The following PCBP3 variants were observed in gnomAD, a reference collection of about 807,000 sequenced individuals.
PCBP3 encodes the protein poly(rC) binding protein 3, also known as poly(rC)-binding protein 3.
A neutral mutation model predicts 52.7 loss-of-function variants in PCBP3; 25 were observed. The ratio of observed to expected loss-of-function variants is 0.47; its 90% CI spans 0.35 to 0.66. PCBP3 has a LOEUF of 0.66. Ranked by LOEUF, PCBP3 falls within the 30% of genes least tolerant of loss-of-function variation. PCBP3 has a pLI of 0.01. For synonymous variants in PCBP3, 162 were observed against 183.0 expected, an observed-to-expected ratio of 0.89 and a Z score of 0.93; for missense variants, 391 against 490.3, an observed-to-expected ratio of 0.80 and a Z score of 1.91.
Position 45,911,064 on chromosome 21 carries a change from G to A in PCBP3, c.600+34G>A, listed in dbSNP as rs773581771. On this transcript the variant is annotated intron_variant, in intron 11 of 17. Transcript: ENST00000681687. Reference sequence around the variant, plus strand: ...TGCGCGCCAGGGCCAGCCCACGTCAGTGCTGGATTTGGCCTCCCAGCACTG... The same window carrying A: ...TGCGCGCCAGGGCCAGCCCACGTCAATGCTGGATTTGGCCTCCCAGCACTG... The A allele has an allele frequency of 3.7e-6, 6 of 1,603,258 alleles. No homozygotes were observed. The Admixed American group carries it at 6.7e-5, about 18-fold the overall frequency.
rs1009440144 is a variant in PCBP3 at position 45,693,724 on chromosome 21, A to G, written c.-200+24772A>G. On this transcript the variant is annotated intron_variant, in intron 2 of 17. Transcript: ENST00000681687. ...ATATTTTTCAAAAATGAAGGGCAAC[A>G]TAAATATGTTCTCAGACAAAGATTG... Among the ~76,000 whole-genome samples, 8 of 152,170 alleles carry G rather than the reference A, an allele frequency of 5.3e-5. 1 individual carries two copies. Among genetic ancestry groups the G allele is most frequent in the Admixed American group, 3.9e-4 (6 of 15,282 alleles).
intron 3 of PCBP3, among the ~76,000 whole-genome samples, chr21:45,746,056 CCG>C (rs1388505989): frequency 1.1e-4 from 15 of 136,940 alleles, no homozygotes; most frequent in Admixed American, 2.2e-4. Context: ...GTCAGCATCG[CCG>C]TGTCAGTCCA....
intron 1 of PCBP3, among the ~76,000 whole-genome samples, chr21:45,666,349 G>GTA (rs1199170150): frequency 6.6e-6 from 1 of 152,070 alleles, no homozygotes; most frequent in Non-Finnish European, 1.5e-5. Flanking sequence ...TCGATGGTAT[G>GTA]TAGTTATCTT....
rs192393720 is a variant in PCBP3, at chr21:45,827,053, G to C, written c.-125-22908G>C. Among the ~76,000 whole-genome samples, 31 of 152,200 alleles carry C rather than the reference G, an allele frequency of 2.0e-4. No homozygotes were observed. Among genetic ancestry groups the C allele is most frequent in the Non-Finnish European group, 3.5e-4 (24 of 67,996 alleles). On this transcript the variant is annotated intron_variant, in intron 4 of 17. Coordinates refer to ENST00000681687, the MANE Select transcript of PCBP3 (RefSeq NM_001384156.1). The surrounding 1 kb of genome is among the most constrained non-coding windows in gnomAD (Gnocchi z 4.3). ...CCAGGGAGCATCAGGGAGGCTGATG[G>C]GGACATGTACTCCCAGCTGAGCCAG...
intron 4 of PCBP3, among the ~76,000 whole-genome samples, chr21:45,794,443 A>G (rs1603429808): frequency 6.6e-6 from 1 of 152,302 alleles, no homozygotes; most frequent in South Asian, 2.1e-4. Flanking sequence ...GAGCTCCCTG[A>G]GGAATAGGGA....
chr21:45,744,664 TTC>T (rs2146135279), intron 3 of PCBP3, among the ~76,000 whole-genome samples: 1 of 152,328 alleles, frequency 6.6e-6, no homozygotes, highest in African/African-American at 2.4e-5. Context: ...ATAATTATAA[TTC>T]TCTTTTTCTT....
chr21:45,768,854 T>A (rs898487616), intron 4 of PCBP3, among the ~76,000 whole-genome samples: 7 of 152,210 alleles, frequency 4.6e-5, no homozygotes, highest in African/African-American at 1.7e-4. Flanking sequence ...TGGCCTGCAG[T>A]GCTATCGTCC....
At chr21:45,797,446 CAG>C (rs2091988549) in intron 4 of PCBP3, among the ~76,000 whole-genome samples, 1 of 2,438 alleles carries the variant, frequency 4.1e-4, no homozygotes, top group Non-Finnish European at 8.5e-4. Context: ...CATGGATCCA[CAG>C]AGAGTGAATG....
rs1312276196 is a variant in PCBP3 at position 45,807,759 on chromosome 21, C to A, written c.-125-42202C>A. On this transcript the variant is annotated intron_variant, in intron 4 of 17. Coordinates refer to ENST00000681687, the MANE Select transcript of PCBP3 (RefSeq NM_001384156.1). ...CTAAGCAAAAAAAACAAAAACAAAA[C>A]AAAAAAAAAACCTGGAGGCATCATG... Among the ~76,000 whole-genome samples the A allele has an allele frequency of 1.5e-4, 22 of 146,906 alleles. No individual in the cohort carries two copies. The East Asian group carries it at 3.4e-3, about 23-fold the overall frequency.
chr21:45,723,481 A>T (rs1293757709), intron 2 of PCBP3, among the ~76,000 whole-genome samples: 1 of 152,270 alleles, frequency 6.6e-6, no homozygotes, highest in Non-Finnish European at 1.5e-5. Context: ...TAATAAGTTC[A>T]TGTACTAACT....
At chr21:45,938,414 C>A (rs1484149690) in intron 16 of PCBP3, among the ~76,000 whole-genome samples, 1 of 152,208 alleles carries the variant, frequency 6.6e-6, no homozygotes, top group Non-Finnish European at 1.5e-5. Flanking sequence ...GCTATGTTCC[C>A]CCTCCCCATG....
At position 45,935,323 on chromosome 21, in the gene PCBP3, ACC is replaced by A; in HGVS notation, c.909+19_909+20del. On this transcript the variant is annotated intron_variant, in intron 16 of 17. Coordinates refer to ENST00000681687, the MANE Select transcript of PCBP3 (RefSeq NM_001384156.1). ...CCAATGATGTGAGTATGCCCGCTGT[ACC>A]TGCCTGTCCCTGGGTAGAAACACCA... 1.9e-6 allele frequency: 3 copies of A among 1,588,372 alleles called. No homozygotes were observed. The highest frequency in any genetic ancestry group is 2.6e-6 in the Non-Finnish European group (3 of 1,163,198).
At chr21:45,896,844 C>T (rs574808651) in intron 6 of PCBP3, among the ~76,000 whole-genome samples, 13 of 142,134 alleles carry the variant, frequency 9.1e-5, no homozygotes, top group African/African-American at 2.5e-4. Flanking sequence ...ATGCACTGCC[C>T]GGGCCATTGT....
chr21:45,727,966 G>T (rs967047451), intron 2 of PCBP3, among the ~76,000 whole-genome samples: 1 of 152,168 alleles, frequency 6.6e-6, no homozygotes, highest in Non-Finnish European at 1.5e-5. Flanking sequence ...AATAAATCTT[G>T]AAATCGGGCA....
intron 1 of PCBP3, among the ~76,000 whole-genome samples, chr21:45,661,616 C>G (rs4578947): frequency 2.6e-5 from 4 of 152,098 alleles, no homozygotes; most frequent in African/African-American, 9.7e-5. Flanking sequence ...TAATAACATA[C>G]GAGTACAAGC....
intron 5 of PCBP3, among the ~76,000 whole-genome samples, chr21:45,865,249 G>A (rs150816682): frequency 2.6e-5 from 4 of 152,284 alleles, no homozygotes; most frequent in African/African-American, 9.6e-5. Flanking sequence ...ATTAGTCATC[G>A]TATGTGGTCA....
At chr21:45,841,459 T>G (rs2093698534) in intron 4 of PCBP3, among the ~76,000 whole-genome samples, 1 of 152,194 alleles carries the variant, frequency 6.6e-6, no homozygotes, top group African/African-American at 2.4e-5. Context: ...GTAAAATGTC[T>G]TCCTGTTTTC....
At chr21:45,889,123 A>G (rs2095592186) in intron 5 of PCBP3, among the ~76,000 whole-genome samples, 1 of 152,156 alleles carries the variant, frequency 6.6e-6, no homozygotes, top group Admixed American at 6.5e-5. Flanking sequence ...TGATGCCCTC[A>G]TCCTGGGTCT....
At position 45,830,003 on chromosome 21, in the gene PCBP3, G is replaced by A. The variant is rs2093407465; in HGVS notation, c.-125-19958G>A. ...TGCGATCGCTGTGGTCTCCACCTTA[G>A]TTTGGGGCCTGCCTGCTCAGCAGGG... On this transcript the variant is annotated intron_variant, in intron 4 of 17. Transcript: ENST00000681687. This position sits in a 1 kb window ranked among gnomAD's most constrained non-coding sequence, Gnocchi z 4.4. The A allele has an allele frequency of 6.5e-6, 1 of 152,756 alleles. No homozygotes were observed. The allele number at this position is 152,756 out of a possible 1,614,324, so 9.5% of individuals were successfully genotyped here. A position where few individuals can be genotyped will look rare whatever the true frequency, so the allele number is the denominator to read the frequency against.
Sources: allele counts gnomAD v4.1 joint callset (sites outside exome capture counted in the v4.1 genomes callset), GRCh38; gene constraint gnomAD v4.1.1; non-coding constraint Gnocchi (gnomAD v3.1); transcripts MANE v1.5; gene names NCBI Gene and HGNC (gene_info 2026-07-23, HGNC 2026-07-21).